MGAT5: variants seen among roughly 807,000 people sequenced by gnomAD.
The protein encoded by MGAT5 is alpha-1,6-mannosylglycoprotein 6-beta-N-acetylglucosaminyltransferase A.
Under a neutral mutation model 94.3 loss-of-function variants are expected in MGAT5, and 30 were observed. That is an observed-to-expected ratio of 0.32 (90% CI 0.24 to 0.43). The LOEUF (loss-of-function observed/expected upper bound fraction) is 0.43, where lower values mean the gene tolerates loss of function less well. MGAT5 is among the 20% of genes least tolerant of loss of function. The pLI is 1.00. For missense variants in MGAT5, 691 were observed against 905.5 expected (o/e 0.76, Z 3.04); for synonymous variants, 310 against 322.9 (o/e 0.96, Z 0.43).
At chr2:134,324,047 T>G (rs1291297629) in intron 4 of MGAT5, among the ~76,000 whole-genome samples, 2 of 152,184 alleles carry the variant, frequency 1.3e-5, no homozygotes, top group African/African-American at 4.8e-5. Context: ...AATGAATTTC[T>G]TCATCTCTGT....
intron 6 of MGAT5, among the ~76,000 whole-genome samples, chr2:134,341,179 C>T (rs556595890): frequency 6.6e-6 from 1 of 152,212 alleles, no homozygotes; most frequent in African/African-American, 2.4e-5. Context: ...ATTACTTTGG[C>T]ATTGACTATA....
At chr2:134,437,082 G>A (rs1219442188) in intron 14 of MGAT5, among the ~76,000 whole-genome samples, 6 of 152,174 alleles carry the variant, frequency 3.9e-5, no homozygotes, top group African/African-American at 7.2e-5. Context: ...TCTGCCTCCC[G>A]GGTTCAAGCA....
At chr2:134,434,394 C>T (rs901827825) in intron 14 of MGAT5, among the ~76,000 whole-genome samples, 1 of 152,162 alleles carries the variant, frequency 6.6e-6, no homozygotes, top group Non-Finnish European at 1.5e-5. Context: ...GATAGTCAAG[C>T]ACATTTAGAG....
At chr2:134,434,364 C>G (rs1408046050) in intron 14 of MGAT5, among the ~76,000 whole-genome samples, 2 of 152,174 alleles carry the variant, frequency 1.3e-5, no homozygotes, top group East Asian at 3.8e-4. Flanking sequence ...TGGTTTATGA[C>G]TACTGCATGG....
chr2:134,396,247 A>C (rs966613798), intron 10 of MGAT5, among the ~76,000 whole-genome samples: 1 of 152,188 alleles, frequency 6.6e-6, no homozygotes, highest in African/African-American at 2.4e-5. Flanking sequence ...ACTTGAGATA[A>C]ATGAGCCAAA....
intron 1 of MGAT5, 115 bp downstream of exon 1, chr2:134,254,759 T>C (rs145506782): frequency 0.018 from 25,326 of 1,388,334 alleles, 337 homozygotes; most frequent in South Asian, 0.044. Context: ...ACTGCCTTCA[T>C]AAGCAGTGAA....
At chr2:134,244,306 T>C (rs1042057793) in intron 1 of MGAT5, among the ~76,000 whole-genome samples, 1 of 126,262 alleles carries the variant, frequency 7.9e-6, no homozygotes, top group Non-Finnish European at 1.5e-5. Context: ...GCGTTTTTTG[T>C]TTTTTTTTTT....
At chr2:134,235,891 C>T (rs1008696437) in intron 1 of MGAT5, among the ~76,000 whole-genome samples, 2 of 152,090 alleles carry the variant, frequency 1.3e-5, no homozygotes, top group African/African-American at 4.8e-5. Context: ...TGCATAATGA[C>T]TTCATTCATC....
intron 2 of MGAT5, among the ~76,000 whole-genome samples, chr2:134,289,173 C>T (rs2105764386): frequency 6.6e-6 from 1 of 152,266 alleles, no homozygotes; most frequent in Middle Eastern, 3.4e-3. Context: ...ATAGGTTGGG[C>T]ACCGCAGTGT....
At chr2:134,188,977 A>G (rs1689179488) in intron 1 of MGAT5, among the ~76,000 whole-genome samples, 1 of 152,214 alleles carries the variant, frequency 6.6e-6, no homozygotes, top group South Asian at 2.1e-4. Context: ...AGTCAAATGA[A>G]GAGACACATG....
intron 13 of MGAT5, among the ~76,000 whole-genome samples, chr2:134,427,373 A>G (rs72980091): frequency 0.039 from 5,929 of 152,232 alleles, 324 homozygotes; most frequent in African/African-American, 0.13. Flanking sequence ...CAGGCCTCAT[A>G]GTGTTGGCAG....
At chr2:134,264,670 A>G (rs1053270365) in intron 1 of MGAT5, among the ~76,000 whole-genome samples, 3 of 152,364 alleles carry the variant, frequency 2.0e-5, no homozygotes, top group East Asian at 3.9e-4. Flanking sequence ...AGATCACTCT[A>G]AAATTAATTT....
intron 14 of MGAT5, among the ~76,000 whole-genome samples, chr2:134,439,725 A>T (rs1010053751): frequency 6.9e-6 from 1 of 144,854 alleles, no homozygotes. Context: ...GCACAAGGTT[A>T]AAAAAAAAAG....
chr2:134,234,871 C>A (rs1000945242), intron 1 of MGAT5, among the ~76,000 whole-genome samples: 4 of 152,196 alleles, frequency 2.6e-5, no homozygotes, highest in Non-Finnish European at 5.9e-5. Context: ...TTGTAAACTG[C>A]CTTCAATTCA....
chr2:134,434,393 G>T (rs183863723), intron 14 of MGAT5, among the ~76,000 whole-genome samples: 2 of 152,324 alleles, frequency 1.3e-5, no homozygotes, highest in African/African-American at 4.8e-5. Context: ...GGATAGTCAA[G>T]CACATTTAGA....
intron 1 of MGAT5, among the ~76,000 whole-genome samples, chr2:134,168,004 A>G (rs949899455): frequency 1.3e-5 from 2 of 152,224 alleles, no homozygotes; most frequent in South Asian, 2.1e-4. Flanking sequence ...CTGACAAAGT[A>G]GCTATCAGCA....
At chr2:134,313,613 T>C (rs551791651) in intron 2 of MGAT5, among the ~76,000 whole-genome samples, 1 of 152,290 alleles carries the variant, frequency 6.6e-6, no homozygotes, top group South Asian at 2.1e-4. Flanking sequence ...CTTTCAACAT[T>C]TAAAAAAAAT....
At chr2:134,259,850 T>C (rs1460104584) in intron 1 of MGAT5, among the ~76,000 whole-genome samples, 1 of 152,130 alleles carries the variant, frequency 6.6e-6, no homozygotes, top group Non-Finnish European at 1.5e-5. Context: ...TTTGTTATCT[T>C]TGGAAGGGAG....
rs928344526 is a variant in MGAT5, at chr2:134,451,117, A to T, written c.*2270A>T. The T allele has an allele frequency of 3.9e-5, 6 of 152,228 alleles. No individual in the cohort carries two copies. The highest frequency in any genetic ancestry group is 1.2e-4 in the African/African-American group (5 of 41,544). The allele number at this position is 152,228 out of a possible 1,614,324, so 9.4% of individuals were successfully genotyped here. A position where few individuals can be genotyped will look rare whatever the true frequency, so the allele number is the denominator to read the frequency against. ...AAGTTTAACCCACTTAGCCACTGCT[A>T]CTTAAGCAAGGAAGCTGAAAGGTAA... On this transcript the variant is annotated 3_prime_UTR_variant, in exon 16 of 16. Coordinates refer to ENST00000281923, the MANE Select transcript of MGAT5 (RefSeq NM_002410.5).
Sources: gnomAD v4.1 joint callset for allele counts (sites outside exome capture counted in the v4.1 genomes callset) on GRCh38, gnomAD v4.1.1 for gene constraint, MANE v1.5 for transcripts, NCBI Gene and HGNC (gene_info 2026-07-23, HGNC 2026-07-21) for gene names.